The following IGFBP3 variants were observed in gnomAD, a reference collection of about 807,000 sequenced individuals.
IGFBP3 encodes the protein insulin-like growth factor-binding protein 3.
A neutral mutation model predicts 28.6 loss-of-function variants in IGFBP3; 9 were observed. That is an observed-to-expected ratio of 0.31 (90% CI 0.19 to 0.55). The LOEUF is 0.55. Among genes scored for constraint, IGFBP3 ranks in the 20% least tolerant of loss-of-function variants. The probability of loss-of-function intolerance (pLI) is 0.93; values close to 1 mark genes in which losing one functional copy is unlikely to be tolerated. For synonymous variants in IGFBP3, 185 were observed against 188.2 expected (o/e 0.98, Z 0.14); for missense variants, 382 against 428.9 (o/e 0.89, Z 0.97).
intron 1 of IGFBP3, among the ~76,000 whole-genome samples, chr7:45,918,706 G>A (rs1036099473): frequency 2.0e-5 from 3 of 152,232 alleles, no homozygotes; most frequent in Non-Finnish European, 4.4e-5. Flanking sequence ...GGGCTGCAAT[G>A]ATTTGGCTGC....
Position 45,916,609 on chromosome 7 carries a change from A to G in IGFBP3, c.689T>C (p.Leu230Pro). 1 of 1,613,444 alleles carries G rather than the reference A, an allele frequency of 6.2e-7. No homozygotes were observed. The highest frequency in any genetic ancestry group is 8.5e-7 in the Non-Finnish European group (1 of 1,179,384). ...GGGAATGTGTACACCCCTGGGACTC[A>G]GCACATTGAGGAACTTCAGGTGATT... ...TLNHLKFLNV[L>P]SPRGVHIPNC... The change falls in exon 3 of 5, where the codon CTG (leucine) becomes CCG (proline). Residue 230 changes from leucine (L) to proline (P), a missense_variant. Physicochemically the swap from Leu to Pro is moderately conservative, Grantham distance 98 (BLOSUM62 -3). Transcript: ENST00000613132.
At chr7:45,915,032 C>A in intron 3 of IGFBP3, 87 bp from the exon 4 acceptor site, 3 of 1,474,770 alleles carry the variant, frequency 2.0e-6, no homozygotes, top group Non-Finnish European at 2.8e-6. Context: ...GGTTTGCCAG[C>A]GTGACTCTGC....
At chr7:45,914,230 C>A (rs1045797756) in intron 4 of IGFBP3, 3 of 152,020 alleles carry the variant, frequency 2.0e-5, no homozygotes, top group Admixed American at 6.6e-5. Context: ...CTAAAATTAT[C>A]GTTTAAAATT....
rs1023424857 is a variant in IGFBP3, at chr7:45,921,018, C to T, written c.123G>A (p.Glu41=). 6 of 1,408,198 alleles carry T rather than the reference C, an allele frequency of 4.3e-6. No individual in the cohort carries two copies. Among genetic ancestry groups the T allele is most frequent in the Non-Finnish European group, 5.5e-6 (6 of 1,089,444 alleles). 87.2% of individuals were successfully genotyped at this position (1,408,198 alleles called of 1,614,324 possible). A position where few individuals can be genotyped will look rare whatever the true frequency, so the allele number is the denominator to read the frequency against. ...SAGLGPVVRC[E]PCDARALAQC... is the part of the protein sequence containing the mutation. The stretch of plus-strand genomic sequence containing the variant: ...GGGCCAGTGCACGCGCGTCGCACGG[C>T]TCGCAGCGCACCACGGGACCCAAGC... The change falls in exon 1 of 5, where the codon GAG becomes GAA. Residue 41 remains glutamate (E), a synonymous_variant. Coordinates refer to ENST00000613132, the MANE Select transcript of IGFBP3 (RefSeq NM_000598.5).
chr7:45,914,886 C>T lies in IGFBP3; in HGVS notation c.810G>A (p.Gln270=). The T allele has an allele frequency of 6.2e-7, 1 of 1,614,114 alleles. No homozygotes were observed. The highest frequency in any genetic ancestry group is 1.3e-5 in the African/African-American group (1 of 75,056). ...CCTTGGTGGTGTAGCCTGGGAGAGG[C>T]TGCCCATACTTATCCACACACCAGC... is the stretch of plus-strand genomic sequence containing the variant. ...GFCWCVDKYG[Q]PLPGYTTKGK... is the part of the protein sequence containing the mutation. The change falls in exon 4 of 5, where the codon CAG becomes CAA. Residue 270 remains glutamine (Q), a synonymous_variant. Transcript: ENST00000613132.
At chr7:45,919,535 C>T (rs1583672682) in intron 1 of IGFBP3, among the ~76,000 whole-genome samples, 3 of 152,278 alleles carry the variant, frequency 2.0e-5, no homozygotes, top group Admixed American at 1.3e-4. Context: ...TAACTTCACC[C>T]GGGCGTGGAA....
rs1221150270 is a variant in IGFBP3 at position 45,921,263 on chromosome 7, G to C, written c.-123C>G. 38 of 1,205,838 alleles carry C rather than the reference G, an allele frequency of 3.2e-5. No homozygotes were observed. The highest frequency in any genetic ancestry group is 4.1e-5 in the Non-Finnish European group (35 of 863,540). The allele number at this position is 1,205,838 out of a possible 1,614,324, so 74.7% of individuals were successfully genotyped here. A position where few individuals can be genotyped will look rare whatever the true frequency, so the allele number is the denominator to read the frequency against. ...CTGATCCTCAGCGCCCAGCCGCAGT[G>C]CTCGCATCTGGGCGGCCCGGGCGCG... is the stretch of plus-strand genomic sequence containing the variant. On this transcript the variant is annotated 5_prime_UTR_variant, in exon 1 of 5. Coordinates refer to ENST00000613132, the MANE Select transcript of IGFBP3 (RefSeq NM_000598.5).
intron 1 of IGFBP3, among the ~76,000 whole-genome samples, chr7:45,919,846 TA>T (rs1233978540): frequency 6.6e-6 from 1 of 152,280 alleles, no homozygotes; most frequent in South Asian, 2.1e-4. Flanking sequence ...TGATAGTGGC[TA>T]AGCCAAGAGG....
Position 45,916,343 on chromosome 7 carries a change from G to A in IGFBP3, c.750+205C>T, listed in dbSNP as rs545558970. The stretch of plus-strand genomic sequence containing the variant: ...GTGGTGGAAAGGCACTAGGGTTGAG[G>A]ATTATGGCCAATATAGCAGCACTCA... On this transcript the variant is annotated intron_variant, in intron 3 of 4. Transcript: ENST00000613132. Among the ~76,000 whole-genome samples the A allele has an allele frequency of 6.6e-5, 10 of 152,306 alleles. No individual in the cohort carries two copies. In the East Asian group the frequency reaches 1.9e-3, roughly 29 times the overall value.
At position 45,920,992 on chromosome 7, in the gene IGFBP3, T is replaced by C; in HGVS notation, c.149A>G (p.Gln50Arg). The C allele has an allele frequency of 2.9e-6, 4 of 1,362,724 alleles. No individual in the cohort carries two copies. The South Asian group carries it at 7.0e-5, about 24-fold the overall frequency. 84.4% of individuals were successfully genotyped at this position (1,362,724 alleles called of 1,614,324 possible). A position where few individuals can be genotyped will look rare whatever the true frequency, so the allele number is the denominator to read the frequency against. ...CEPCDARALA[Q>R]CAPPPAVCAE... is the part of the protein sequence containing the mutation. Reference sequence around the variant, plus strand: ...GCACACGGCGGGCGGAGGCGCGCACTGGGCCAGTGCACGCGCGTCGCACGG... The same window carrying C: ...GCACACGGCGGGCGGAGGCGCGCACCGGGCCAGTGCACGCGCGTCGCACGG... Residue 50 changes from glutamine to arginine, a missense_variant, in exon 1 of 5, where the codon CAG (glutamine) becomes CGG (arginine). Coordinates refer to ENST00000613132, the MANE Select transcript of IGFBP3 (RefSeq NM_000598.5).
chr7:45,920,975 C>T lies in IGFBP3; in HGVS notation c.166G>A (p.Ala56Thr), dbSNP rs34257987. The T allele has an allele frequency of 7.5e-4, 1,005 of 1,347,858 alleles. 7 individuals are homozygous for T. In the African/African-American group the frequency reaches 0.014, roughly 18 times the overall value. The allele number at this position is 1,347,858 out of a possible 1,614,324, so 83.5% of individuals were successfully genotyped here. A position where few individuals can be genotyped will look rare whatever the true frequency, so the allele number is the denominator to read the frequency against. The part of the protein sequence containing the change: ...RALAQCAPPP[A>T]VCAELVREPG... ...TCGCGCACCAGCTCCGCGCACACGGCGGGCGGAGGCGCGCACTGGGCCAGT... is the reference window on the plus strand; with the variant it reads ...TCGCGCACCAGCTCCGCGCACACGGTGGGCGGAGGCGCGCACTGGGCCAGT... Residue 56 changes from alanine (A) to threonine (T), a missense_variant, in exon 1 of 5, where the codon GCC becomes ACC. Physicochemically the swap from Ala to Thr is moderately conservative, Grantham distance 58. Coordinates refer to ENST00000613132, the MANE Select transcript of IGFBP3 (RefSeq NM_000598.5).
At chr7:45,914,182 A>G (rs1241116080) in intron 4 of IGFBP3, 1 of 152,234 alleles carries the variant, frequency 6.6e-6, no homozygotes, top group East Asian at 1.9e-4. Flanking sequence ...TCCCTCATTT[A>G]TTAAAAGAAA....
chr7:45,914,753 T>C, intron 4 of IGFBP3, 52 bp downstream of exon 4: 2 of 1,585,126 alleles, frequency 1.3e-6, no homozygotes, highest in East Asian at 2.3e-5. Flanking sequence ...CTGAGGCTGG[T>C]CCAAGGACAG....
chr7:45,916,472 G>A, intron 3 of IGFBP3, 76 bp downstream of exon 3: 1 of 1,479,202 alleles, frequency 6.8e-7, no homozygotes, highest in South Asian at 1.2e-5. Flanking sequence ...GGCCAGAAGA[G>A]CCTGGGGGCT....
In IGFBP3 at chr7:45,917,367, C is replaced by T; in HGVS notation, c.476G>A (p.Arg159Gln). 1.9e-6 allele frequency: 3 copies of T among 1,614,030 alleles called. No individual in the cohort carries two copies. Among genetic ancestry groups the T allele is most frequent in the Non-Finnish European group, 2.5e-6 (3 of 1,179,996 alleles). Residue 159 changes from arginine (R) to glutamine (Q), a missense_variant, in exon 2 of 5, where the codon CGG (arginine) becomes CAG (glutamine). Coordinates refer to ENST00000613132, the MANE Select transcript of IGFBP3 (RefSeq NM_000598.5). ...VESPSVSSTH[R>Q]VSDPKFHPLH... is the part of the protein sequence containing the mutation. The stretch of plus-strand genomic sequence containing the variant: ...GGGGTGGAACTTGGGATCAGACACC[C>T]GGTGCGTGCTGGAGACGGACGGGCT...
At chr7:45,915,494 A>T (rs796719096) in intron 3 of IGFBP3, among the ~76,000 whole-genome samples, 2 of 152,240 alleles carry the variant, frequency 1.3e-5, no homozygotes, top group South Asian at 4.1e-4. Context: ...CCAAAGGCCA[A>T]TTCTGTAGAT....
intron 4 of IGFBP3, 175 bp downstream of exon 4, chr7:45,914,630 C>T: frequency 1.8e-6 from 1 of 561,704 alleles, no homozygotes; most frequent in Non-Finnish European, 3.1e-6. Flanking sequence ...TGGGGTCTCC[C>T]TCTCCCTGCA....
chr7:45,915,612 ATTTG>A (rs1264215398), intron 3 of IGFBP3, among the ~76,000 whole-genome samples: 1 of 148,844 alleles, frequency 6.7e-6, no homozygotes, highest in East Asian at 2.0e-4. Context: ...TATATCTTAA[ATTTG>A]TTTGATCATT....
At position 45,920,946 on chromosome 7, in the gene IGFBP3, C is replaced by T. The variant is rs770936613; in HGVS notation, c.195G>A (p.Pro65=). ...CGCACGTCAGGCAGCAGCCGCAGCC[C>T]GGCTCGCGCACCAGCTCCGCGCACA... ...PAVCAELVRE[P]GCGCCLTCAL... is the part of the protein sequence containing the mutation. Residue 65 remains proline, a synonymous_variant, in exon 1 of 5, where the codon CCG becomes CCA. Coordinates refer to ENST00000613132, the MANE Select transcript of IGFBP3 (RefSeq NM_000598.5). 1 of 1,389,980 alleles carries T rather than the reference C, an allele frequency of 7.2e-7. No homozygotes were observed. The highest frequency in any genetic ancestry group is 1.6e-5 in the South Asian group (1 of 62,634). 86.1% of individuals were successfully genotyped at this position (1,389,980 alleles called of 1,614,324 possible). A position where few individuals can be genotyped will look rare whatever the true frequency, so the allele number is the denominator to read the frequency against.
Sources: allele counts gnomAD v4.1 joint callset (sites outside exome capture counted in the v4.1 genomes callset), GRCh38; gene constraint gnomAD v4.1.1; transcripts MANE v1.5; gene names NCBI Gene and HGNC (gene_info 2026-07-23, HGNC 2026-07-21).